The following FGF14 variants were observed in gnomAD, a reference collection of about 807,000 sequenced individuals.
FGF14 encodes the protein fibroblast growth factor 14, also known as fibroblast growth factor homologous factor 4.
FGF14 carries 5 observed loss-of-function variants against 25.5 expected under a neutral mutation model. That is an observed-to-expected ratio of 0.20 (90% CI 0.10 to 0.41). The LOEUF is 0.41. Among genes scored for constraint, FGF14 ranks in the 10% least tolerant of loss-of-function variants. The probability of loss-of-function intolerance (pLI) is 1.00; values close to 1 mark genes in which losing one functional copy is unlikely to be tolerated. For synonymous variants in FGF14, 138 were observed against 118.3 expected (o/e 1.17, Z -1.08); for missense variants, 222 against 320.1 (o/e 0.69, Z 2.34).
chr13:102,330,565 T>C (rs2056602991), intron 1 of FGF14, among the ~76,000 whole-genome samples: 1 of 152,228 alleles, frequency 6.6e-6, no homozygotes, highest in Admixed American at 6.5e-5. Flanking sequence ...CCTATATTCT[T>C]GCTCCTTCCA....
rs17502063 is a variant in FGF14 at position 101,797,795 on chromosome 13, G to A, written c.408+70930C>T. On this transcript the variant is annotated intron_variant, in intron 3 of 4. Transcript: ENST00000376143. ...TGTGTGTGTGTGTTCAACCTCAGTAGAAACAGAGATGGTTAGAGTCAATAA... is the reference window on the plus strand; with the variant it reads ...TGTGTGTGTGTGTTCAACCTCAGTAAAAACAGAGATGGTTAGAGTCAATAA... Among the ~76,000 whole-genome samples the A allele has an allele frequency of 5.9e-3, 843 of 142,986 alleles. 6 individuals carry two copies. Among genetic ancestry groups the A allele is most frequent in the Non-Finnish European group, 0.01 (664 of 65,516 alleles). The allele number at this position is 142,986 out of a possible 152,430, so 93.8% of individuals were successfully genotyped here.
At chr13:101,793,958 G>T (rs1476653648) in intron 3 of FGF14, among the ~76,000 whole-genome samples, 1 of 151,992 alleles carries the variant, frequency 6.6e-6, no homozygotes, top group Non-Finnish European at 1.5e-5. Flanking sequence ...AAATATATGG[G>T]AGATAGGTAA....
chr13:101,753,675 T>C (rs1174537022), intron 3 of FGF14, among the ~76,000 whole-genome samples: 5 of 152,000 alleles, frequency 3.3e-5, no homozygotes, highest in Non-Finnish European at 5.9e-5. Flanking sequence ...TGGTGGCGCA[T>C]GCCTGTAATC....
chr13:101,837,106 A>G (rs951252786), intron 3 of FGF14, among the ~76,000 whole-genome samples: 4 of 152,028 alleles, frequency 2.6e-5, no homozygotes, highest in African/African-American at 9.7e-5. Context: ...CTAATGAAAC[A>G]CTGGAGTTAG....
intron 2 of FGF14, among the ~76,000 whole-genome samples, chr13:101,874,706 GT>G (rs1384837253): frequency 2.6e-5 from 4 of 151,812 alleles, no homozygotes; most frequent in South Asian, 2.1e-4. Context: ...CTATAAGAAA[GT>G]TTTTTTTGTT....
chr13:102,084,856 A>G (rs988693330), intron 1 of FGF14, among the ~76,000 whole-genome samples: 2 of 152,304 alleles, frequency 1.3e-5, no homozygotes, highest in Admixed American at 6.5e-5. Flanking sequence ...TAATTGTGAT[A>G]CTCCTTACTA....
chr13:102,114,442 TG>T (rs2045371340), intron 1 of FGF14, among the ~76,000 whole-genome samples: 1 of 152,242 alleles, frequency 6.6e-6, no homozygotes. Context: ...TTTTTGTTTT[TG>T]TTACTTGAGC....
intron 1 of FGF14, among the ~76,000 whole-genome samples, chr13:102,323,534 C>A (rs547128878): frequency 1.3e-5 from 2 of 152,138 alleles, no homozygotes; most frequent in African/African-American, 4.8e-5. Flanking sequence ...AAAAGCTTAT[C>A]TCAGAGACAA....
At position 102,121,285 on chromosome 13, in the gene FGF14, C is replaced by A. The variant is rs181781095; in HGVS notation, c.209-245989G>T. ...GGGGCATTGCCTACAGGTGGAAAATCTTATCAAAGGGAAGTTCAAAATATT... is the reference window on the plus strand; with the variant it reads ...GGGGCATTGCCTACAGGTGGAAAATATTATCAAAGGGAAGTTCAAAATATT... On this transcript the variant is annotated intron_variant, in intron 1 of 4. Transcript: ENST00000376131. Among the ~76,000 whole-genome samples, 6 of 152,250 alleles carry A rather than the reference C, an allele frequency of 3.9e-5. No homozygotes were observed. The East Asian group carries it at 1.2e-3, about 29-fold the overall frequency.
intron 1 of FGF14, among the ~76,000 whole-genome samples, chr13:102,011,755 C>T (rs9557785): frequency 0.46 from 70,440 of 151,948 alleles, 18,482 homozygotes; most frequent in East Asian, 0.72. Flanking sequence ...GCAAAGTCTC[C>T]GGTCATCAAG....
intron 3 of FGF14, among the ~76,000 whole-genome samples, chr13:101,756,739 C>A (rs4772410): frequency 0.35 from 53,788 of 151,614 alleles, 9,908 homozygotes; most frequent in East Asian, 0.63. Flanking sequence ...TCCTCCACCA[C>A]CAAAAAAACA....
At chr13:102,043,384 T>C (rs1313941734) in intron 1 of FGF14, among the ~76,000 whole-genome samples, 1 of 152,138 alleles carries the variant, frequency 6.6e-6, no homozygotes, top group African/African-American at 2.4e-5. Flanking sequence ...ATCACAATTG[T>C]TTAACAACTG....
chr13:102,032,530 C>T (rs1400538340), intron 1 of FGF14, among the ~76,000 whole-genome samples: 2 of 152,064 alleles, frequency 1.3e-5, no homozygotes, highest in Admixed American at 1.3e-4. Flanking sequence ...CTTCCTATGG[C>T]ATTTGGAAAT....
At chr13:102,351,634 T>C (rs1285747734) in intron 1 of FGF14, among the ~76,000 whole-genome samples, 1 of 152,192 alleles carries the variant, frequency 6.6e-6, no homozygotes, top group Non-Finnish European at 1.5e-5. Flanking sequence ...TTCTCAAGGC[T>C]TCACAGGGAC....
chr13:101,968,909 G>A (rs1040656454), intron 1 of FGF14, among the ~76,000 whole-genome samples: 25 of 150,916 alleles, frequency 1.7e-4, no homozygotes, highest in African/African-American at 5.6e-4. Context: ...AAAGCTGGGG[G>A]TTTGGAAGCA....
intron 1 of FGF14, among the ~76,000 whole-genome samples, chr13:102,171,203 C>A (rs2048231976): frequency 6.6e-6 from 1 of 152,126 alleles, no homozygotes; most frequent in African/African-American, 2.4e-5. Context: ...CATTTTTAGA[C>A]CAGTGTTTAT....
chr13:102,160,339 C>G (rs562010777), intron 1 of FGF14, among the ~76,000 whole-genome samples: 1 of 152,098 alleles, frequency 6.6e-6, no homozygotes, highest in African/African-American at 2.4e-5. Flanking sequence ...TAGGATGGCT[C>G]AAGCCCAGCT....
At chr13:101,888,119 G>A (rs2046087795) in intron 1 of FGF14, among the ~76,000 whole-genome samples, 1 of 152,124 alleles carries the variant, frequency 6.6e-6, no homozygotes, top group Admixed American at 6.6e-5. Flanking sequence ...AGGTGAGGCT[G>A]ATGGCAGTCT....
At chr13:101,726,257 AAT>A (rs1416675024) in intron 4 of FGF14, among the ~76,000 whole-genome samples, 3 of 152,028 alleles carry the variant, frequency 2.0e-5, no homozygotes, top group Non-Finnish European at 2.9e-5. Context: ...ATCTTTTTCT[AAT>A]ATACTTATCA....
Sources: allele counts gnomAD v4.1 joint callset (sites outside exome capture counted in the v4.1 genomes callset), GRCh38; gene constraint gnomAD v4.1.1; transcripts MANE v1.5; gene names NCBI Gene and HGNC (gene_info 2026-07-23, HGNC 2026-07-21).